CXCL13: variants seen among roughly 807,000 people sequenced by gnomAD.
The protein encoded by CXCL13 is C-X-C motif chemokine ligand 13, also known as C-X-C motif chemokine 13.
A neutral mutation model predicts 12.2 loss-of-function variants in CXCL13; 7 were observed. That is an observed-to-expected ratio of 0.57 (90% CI 0.33 to 1.07). The LOEUF is 1.07. Ranked by LOEUF, CXCL13 falls within the 50% of genes least tolerant of loss-of-function variation. The pLI is 0.04. For missense variants in CXCL13, 113 were observed against 127.4 expected (o/e 0.89, Z 0.55); for synonymous variants, 47 against 42.4 (o/e 1.11, Z -0.42).
chr4:77,555,542 T>C (rs1037450949), intron 1 of CXCL13, among the ~76,000 whole-genome samples: 1 of 151,928 alleles, frequency 6.6e-6, no homozygotes. Context: ...GAGACCTAAA[T>C]GTAAAAATAA....
chr4:77,561,916 C>T (rs534804301), intron 1 of CXCL13, among the ~76,000 whole-genome samples: 40 of 152,206 alleles, frequency 2.6e-4, no homozygotes, highest in African/African-American at 7.2e-4. Flanking sequence ...ACCTGGGCTG[C>T]GCCCAGTGCT....
chr4:77,592,899 A>G lies in CXCL13; in HGVS notation c.-42-12925A>G, dbSNP rs77589634. Among the ~76,000 whole-genome samples, 847 of 152,318 alleles carry G rather than the reference A, an allele frequency of 5.6e-3. 27 individuals carry two copies. The East Asian group carries it at 0.084, about 15-fold the overall frequency. ...CTCAAGATTTACACAAGATTTCTCCAAAACAGGAAGTTTTGAATGCTGGGC... is the reference window on the plus strand; with the variant it reads ...CTCAAGATTTACACAAGATTTCTCCGAAACAGGAAGTTTTGAATGCTGGGC... On this transcript the variant is annotated intron_variant, in intron 1 of 4. Transcript: ENST00000286758.
chr4:77,604,619 G>A (rs1297227212), upstream of CXCL13, among the ~76,000 whole-genome samples: 1 of 152,002 alleles, frequency 6.6e-6, no homozygotes, highest in African/African-American at 2.4e-5. Flanking sequence ...AACTAGAAGT[G>A]CCAAACAATA....
intron 1 of CXCL13, among the ~76,000 whole-genome samples, chr4:77,560,728 T>A (rs1253617939): frequency 6.6e-6 from 1 of 152,232 alleles, no homozygotes; most frequent in African/African-American, 2.4e-5. Flanking sequence ...ATTGTAAACA[T>A]CACGCACGGT....
At chr4:77,578,294 T>C (rs1726239497) in intron 1 of CXCL13, among the ~76,000 whole-genome samples, 1 of 152,226 alleles carries the variant, frequency 6.6e-6, no homozygotes, top group Non-Finnish European at 1.5e-5. Flanking sequence ...CCACAGATGA[T>C]GGCCCTGTTT....
upstream of CXCL13, among the ~76,000 whole-genome samples, chr4:77,602,606 T>C (rs553273339): frequency 6.6e-6 from 1 of 152,122 alleles, no homozygotes; most frequent in South Asian, 2.1e-4. Context: ...TATGCTTGGG[T>C]CTGGAAAGAA....
intron 1 of CXCL13, among the ~76,000 whole-genome samples, chr4:77,518,983 T>C (rs1724502251): frequency 6.6e-6 from 1 of 152,216 alleles, no homozygotes; most frequent in South Asian, 2.1e-4. Context: ...GTGGATGTCC[T>C]TTCTGTTTGT....
chr4:77,528,918 C>T (rs1182852567), intron 1 of CXCL13, among the ~76,000 whole-genome samples: 4 of 152,196 alleles, frequency 2.6e-5, no homozygotes, highest in Admixed American at 6.5e-5. Context: ...TCAGGTCTAA[C>T]ATTTAAGTCT....
At chr4:77,563,787 T>C (rs1399756315) in intron 1 of CXCL13, among the ~76,000 whole-genome samples, 1 of 152,214 alleles carries the variant, frequency 6.6e-6, no homozygotes, top group African/African-American at 2.4e-5. Context: ...TGTTAGAATA[T>C]ATTGTCTTTT....
chr4:77,610,173 ATT>A (rs201437912), intron 2 of CXCL13, among the ~76,000 whole-genome samples: 2 of 150,096 alleles, frequency 1.3e-5, no homozygotes, highest in African/African-American at 4.9e-5. Flanking sequence ...ATTGCACTGA[ATT>A]TTTTTTTTTC....
At chr4:77,519,393 C>T (rs1454748020) in intron 1 of CXCL13, among the ~76,000 whole-genome samples, 2 of 152,176 alleles carry the variant, frequency 1.3e-5, no homozygotes. Flanking sequence ...GGAGCTGTTC[C>T]TATTCGGCCA....
Position 77,607,727 on chromosome 4 carries a change from G to A in CXCL13, c.89G>A (p.Ser30Asn), listed in dbSNP as rs114867987. 242 of 1,613,726 alleles carry A rather than the reference G, an allele frequency of 1.5e-4. No individual in the cohort carries two copies. The African/African-American group carries it at 2.6e-3, about 17-fold the overall frequency. ...VQGVLEVYYT[S>N]LRCRCVQESS... ...GGTGTTCTGGAGGTCTATTACACAA[G>A]CTTGAGGTGTAGATGTGTCCAAGAG... Residue 30 changes from serine (S) to asparagine (N), a missense_variant, in exon 2 of 4, where the codon AGC (serine) becomes AAC (asparagine). Transcript: ENST00000682537.
intron 1 of CXCL13, among the ~76,000 whole-genome samples, chr4:77,521,079 G>C (rs946559376): frequency 1.3e-5 from 2 of 152,182 alleles, no homozygotes; most frequent in Non-Finnish European, 2.9e-5. Context: ...ACTTGATCGT[G>C]TTGGGTAAGA....
chr4:77,534,929 A>G (rs1725023389), intron 1 of CXCL13, among the ~76,000 whole-genome samples: 1 of 152,228 alleles, frequency 6.6e-6, no homozygotes, highest in Non-Finnish European at 1.5e-5. Flanking sequence ...AACAGCAGTA[A>G]CTACCTTTCT....
chr4:77,572,591 A>T (rs181678461), intron 1 of CXCL13, among the ~76,000 whole-genome samples: 3 of 151,972 alleles, frequency 2.0e-5, no homozygotes, highest in Admixed American at 1.3e-4. Flanking sequence ...AAAAAAATAG[A>T]TGTTCGTGAG....
chr4:77,557,854 C>A (rs1315376455), intron 1 of CXCL13, among the ~76,000 whole-genome samples: 2 of 152,190 alleles, frequency 1.3e-5, no homozygotes, highest in Non-Finnish European at 2.9e-5. Context: ...ACACAGCATA[C>A]TCACCCTGGT....
chr4:77,571,444 T>C (rs1726077056), intron 1 of CXCL13, among the ~76,000 whole-genome samples: 1 of 151,432 alleles, frequency 6.6e-6, no homozygotes, highest in Admixed American at 6.6e-5. Flanking sequence ...TGTATCTAGC[T>C]CAAGGTTTGT....
intron 1 of CXCL13, among the ~76,000 whole-genome samples, chr4:77,554,698 G>T (rs188421490): frequency 7.2e-5 from 11 of 152,118 alleles, no homozygotes; most frequent in Admixed American, 5.9e-4. Flanking sequence ...ATATATGCAG[G>T]ATTATAGTCT....
At chr4:77,528,358 C>T (rs1724820190) in intron 1 of CXCL13, among the ~76,000 whole-genome samples, 1 of 152,208 alleles carries the variant, frequency 6.6e-6, no homozygotes, top group Non-Finnish European at 1.5e-5. Flanking sequence ...ACCACACTGA[C>T]TTCCACAATG....
Sources: gnomAD v4.1 joint callset for allele counts (sites outside exome capture counted in the v4.1 genomes callset) on GRCh38, gnomAD v4.1.1 for gene constraint, MANE v1.5 for transcripts, NCBI Gene and HGNC (gene_info 2026-07-23, HGNC 2026-07-21) for gene names.